CCNT2: variants seen among roughly 807,000 people sequenced by gnomAD.
The protein encoded by CCNT2 is cyclin-T2.
In CCNT2, 18 loss-of-function variants were observed where a neutral mutation model predicts 70.0. The observed-to-expected ratio is 0.26, with a 90% CI of 0.18 to 0.38. The LOEUF (loss-of-function observed/expected upper bound fraction) is 0.38. CCNT2 is among the 10% of genes least tolerant of loss of function. CCNT2 has a pLI of 1.00. For synonymous variants in CCNT2, 334 were observed against 313.3 expected (o/e 1.07, Z -0.70); for missense variants, 734 against 890.2 (o/e 0.82, Z 2.23).
chr2:134,945,741 A>T, intron 5 of CCNT2: 1 of 1,297,848 alleles, frequency 7.7e-7, no homozygotes, highest in Non-Finnish European at 1.0e-6. Context: ...TTTGTATTAG[A>T]CTTCAAAATC....
At chr2:134,942,550 G>T in intron 4 of CCNT2, 62 bp from the exon 5 acceptor site, 1 of 1,124,024 alleles carries the variant, frequency 8.9e-7, no homozygotes, top group Non-Finnish European at 1.3e-6. Flanking sequence ...TACGTTTATG[G>T]CATTTCTCAG....
chr2:134,928,380 G>A (rs1413583027), intron 2 of CCNT2, among the ~76,000 whole-genome samples: 5 of 148,552 alleles, frequency 3.4e-5, no homozygotes, highest in African/African-American at 1.2e-4. Flanking sequence ...CCAGGTTCAA[G>A]CAATTCTCTT....
intron 2 of CCNT2, among the ~76,000 whole-genome samples, chr2:134,921,596 C>T (rs537822121): frequency 3.3e-5 from 5 of 152,272 alleles, no homozygotes; most frequent in African/African-American, 4.8e-5. Context: ...TCAGGTGATC[C>T]GTCCGCCTCG....
At position 134,954,581 on chromosome 2, in the gene CCNT2, A is replaced by G. The variant is rs1682805741; in HGVS notation, c.2126A>G (p.His709Arg). 1.9e-6 allele frequency: 3 copies of G among 1,614,156 alleles called. No homozygotes were observed. Among genetic ancestry groups the G allele is most frequent in the Non-Finnish European group, 2.5e-6 (3 of 1,179,970 alleles). ...ANHEYSTSSQ[H>R]MDYKDTFDML... Reference sequence around the variant, plus strand: ...CACGAGTACAGTACAAGCAGCCAGCATATGGACTACAAAGACACATTCGAC... The same window carrying G: ...CACGAGTACAGTACAAGCAGCCAGCGTATGGACTACAAAGACACATTCGAC... Residue 709 changes from histidine (H) to arginine (R), a missense_variant, in exon 9 of 9, where the codon CAT becomes CGT. This residue lies in a region of CCNT2 where 532 missense variants were observed against 556.9 expected (regional missense o/e 0.96). Transcript: ENST00000264157.
chr2:134,937,914 CAAA>C (rs1156849096), intron 3 of CCNT2, among the ~76,000 whole-genome samples: 2 of 150,156 alleles, frequency 1.3e-5, no homozygotes, highest in Admixed American at 1.3e-4. Context: ...AACACCGTCT[CAAA>C]AAAAAAATTT....
At chr2:134,930,736 G>A (rs181286591) in intron 2 of CCNT2, among the ~76,000 whole-genome samples, 6 of 151,688 alleles carry the variant, frequency 4.0e-5, no homozygotes, top group Admixed American at 2.0e-4. Context: ...CCTATTCTAT[G>A]CATTGTCATT....
chr2:134,919,090 C>T, intron 1 of CCNT2, 78 bp downstream of exon 1: 4 of 1,474,140 alleles, frequency 2.7e-6, no homozygotes, highest in South Asian at 2.6e-5. Flanking sequence ...GCGAACATGG[C>T]GCCGCCGGCC....
intron 3 of CCNT2, among the ~76,000 whole-genome samples, chr2:134,938,091 G>A (rs1356630972): frequency 6.6e-6 from 1 of 152,052 alleles, no homozygotes; most frequent in Admixed American, 6.5e-5. Flanking sequence ...GGAGTAAACT[G>A]TTAATGTAGC....
chr2:134,949,520 CT>C (rs1247847010), intron 7 of CCNT2, among the ~76,000 whole-genome samples: 1 of 152,134 alleles, frequency 6.6e-6, no homozygotes, highest in East Asian at 1.9e-4. Context: ...AAATATGCTT[CT>C]TTGTTTCATC....
At chr2:134,935,506 A>G (rs1051342627) in intron 2 of CCNT2, among the ~76,000 whole-genome samples, 1 of 152,174 alleles carries the variant, frequency 6.6e-6, no homozygotes, top group Non-Finnish European at 1.5e-5. Context: ...CCAGTTTGGC[A>G]TTGTTTCTGT....
intron 2 of CCNT2, among the ~76,000 whole-genome samples, chr2:134,931,733 A>C (rs528873351): frequency 6.6e-6 from 1 of 152,252 alleles, no homozygotes; most frequent in Non-Finnish European, 1.5e-5. Context: ...GTGCAATGTT[A>C]ATGTTCTTGT....
At position 134,954,521 on chromosome 2, in the gene CCNT2, A is replaced by G. The variant is rs141466269; in HGVS notation, c.2066A>G (p.Lys689Arg). The G allele has an allele frequency of 4.3e-6, 7 of 1,614,030 alleles. No individual in the cohort carries two copies. The highest frequency in any genetic ancestry group is 1.6e-4 in the Middle Eastern group (1 of 6,084). The change falls in exon 9 of 9, where the codon AAG (lysine) becomes AGG (arginine). Residue 689 changes from lysine to arginine, a missense_variant. Lys to Arg is a conservative substitution (Grantham distance 26, BLOSUM62 2). Around this residue, in one of 3 missense-constraint regions of CCNT2, gnomAD observed 532 missense variants for 556.9 expected, o/e 0.96. Coordinates refer to ENST00000264157, the MANE Select transcript of CCNT2 (RefSeq NM_058241.3). The part of the protein sequence containing the change: ...GHLSTLVKLD[K>R]KPVETNGPDA... The stretch of plus-strand genomic sequence containing the variant: ...CTCAGCACCCTCGTGAAACTGGACA[A>G]GAAGCCAGTGGAGACCAACGGTCCT...
chr2:134,938,768 A>T (rs41460450), intron 3 of CCNT2, among the ~76,000 whole-genome samples: 1 of 152,036 alleles, frequency 6.6e-6, no homozygotes, highest in African/African-American at 2.4e-5. Flanking sequence ...ACCCTCTTTC[A>T]TATTGGTTAG....
intron 1 of CCNT2, among the ~76,000 whole-genome samples, chr2:134,919,321 G>A (rs1240518443): frequency 6.6e-6 from 1 of 152,204 alleles, no homozygotes; most frequent in Non-Finnish European, 1.5e-5. Context: ...TTGCAGAAAA[G>A]GGGCGGCTCC....
At chr2:134,919,131 C>A in intron 1 of CCNT2, 119 bp downstream of exon 1, 1 of 1,174,364 alleles carries the variant, frequency 8.5e-7, no homozygotes. Flanking sequence ...GCGCCGCGGT[C>A]AGGGAAGTAA....
At chr2:134,949,479 A>G (rs1399979950) in intron 7 of CCNT2, among the ~76,000 whole-genome samples, 1 of 152,200 alleles carries the variant, frequency 6.6e-6, no homozygotes, top group Non-Finnish European at 1.5e-5. Flanking sequence ...TATTTGGCCA[A>G]TTATCCATAG....
chr2:134,953,031 ATGGGTGT>A (rs1210988244), intron 8 of CCNT2, 192 bp from the exon 9 acceptor site: 19 of 499,798 alleles, frequency 3.8e-5, no homozygotes, highest in Non-Finnish European at 6.6e-5. Context: ...TGATTCTAAA[ATGGGTGT>A]TTTCAATTTT....
At chr2:134,927,766 G>T (rs888622551) in intron 2 of CCNT2, among the ~76,000 whole-genome samples, 1 of 152,040 alleles carries the variant, frequency 6.6e-6, no homozygotes, top group African/African-American at 2.4e-5. Context: ...ATACATTCTA[G>T]GGAGTACATA....
At chr2:134,935,832 G>A (rs1197709494) in intron 2 of CCNT2, among the ~76,000 whole-genome samples, 1 of 151,900 alleles carries the variant, frequency 6.6e-6, no homozygotes, top group African/African-American at 2.4e-5. Flanking sequence ...GCTAATTTAT[G>A]GATCTCTGAT....
Sources: allele counts gnomAD v4.1 joint callset (sites outside exome capture counted in the v4.1 genomes callset), GRCh38; gene constraint gnomAD v4.1.1; regional missense constraint gnomAD v4.1.1; transcripts MANE v1.5; gene names NCBI Gene and HGNC (gene_info 2026-07-23, HGNC 2026-07-21).